The following TTC14 variants were observed in gnomAD, a reference collection of about 807,000 sequenced individuals.
The protein encoded by TTC14 is tetratricopeptide repeat protein 14.
TTC14 carries 63 observed loss-of-function variants against 79.9 expected under a neutral mutation model. The ratio of observed to expected loss-of-function variants is 0.79; its 90% CI spans 0.64 to 0.97. The LOEUF is 0.97. TTC14 is among the 50% of genes least tolerant of loss of function. The probability of loss-of-function intolerance (pLI) is 0.00; values close to 1 mark genes in which losing one functional copy is unlikely to be tolerated. For missense variants in TTC14, 895 were observed against 894.0 expected (o/e 1.00, Z -0.01); for synonymous variants, 335 against 309.6 (o/e 1.08, Z -0.86).
chr3:180,606,374 TAAG>T lies in TTC14; in HGVS notation c.1049+3_1049+5del. 1 of 1,613,994 alleles carries T rather than the reference TAAG, an allele frequency of 6.2e-7. No homozygotes were observed. The highest frequency in any genetic ancestry group is 8.5e-7 in the Non-Finnish European group (1 of 1,179,942). ...AGCTTTGGTAGCTCGTGGAGCATTG[TAAG>T]TGAATCATACATGGATTTTAAGGAA... On this transcript the variant is annotated splice_donor_5th_base_variant and intron_variant, in intron 8 of 11. Coordinates refer to ENST00000296015, the MANE Select transcript of TTC14 (RefSeq NM_133462.4).
At position 180,606,518 on chromosome 3, in the gene TTC14, G is replaced by C; in HGVS notation, c.1087G>C (p.Asp363His). ...AGGAAGTTTGAACAAAGCAATAGAAGATTTTGAGCTTGCATTAGAAAACTG... is the reference window on the plus strand; with the variant it reads ...AGGAAGTTTGAACAAAGCAATAGAACATTTTGAGCTTGCATTAGAAAACTG... The part of the protein sequence containing the change: ...TKGSLNKAIE[D>H]FELALENCPT... Residue 363 changes from aspartate to histidine, a missense_variant, in exon 9 of 12, where the codon GAT becomes CAT. Coordinates refer to ENST00000296015, the MANE Select transcript of TTC14 (RefSeq NM_133462.4). 1 of 1,613,956 alleles carries C rather than the reference G, an allele frequency of 6.2e-7. No individual in the cohort carries two copies. Among genetic ancestry groups the C allele is most frequent in the Admixed American group, 1.7e-5 (1 of 60,004 alleles).
In TTC14 at chr3:180,605,000, C is replaced by G; in HGVS notation, c.850C>G (p.Leu284Val). 1 of 1,612,036 alleles carries G rather than the reference C, an allele frequency of 6.2e-7. No individual in the cohort carries two copies. ...TAATCCACCATCTTTAATGAGAGGC[C>G]TACAAAGGTATAGTACATCAGTATT... ...ESNPPSLMRGLQSKNFSEDDF... is the reference protein window; with the variant it reads ...ESNPPSLMRGVQSKNFSEDDF... Residue 284 changes from leucine (L) to valine (V), a missense_variant, in exon 6 of 12, where the codon CTA becomes GTA. Physicochemically the swap from Leu to Val is conservative, Grantham distance 32. Coordinates refer to ENST00000296015, the MANE Select transcript of TTC14 (RefSeq NM_133462.4).
At chr3:180,606,224 T>C (rs759073764) in intron 7 of TTC14, 29 bp from the exon 8 acceptor site, 89 of 1,611,874 alleles carry the variant, frequency 5.5e-5, no homozygotes, top group Non-Finnish European at 7.5e-5. Flanking sequence ...TTTGAAGTGT[T>C]TGTGATGCTT....
chr3:180,613,464 C>A (rs1173597431), downstream of TTC14, among the ~76,000 whole-genome samples: 1 of 152,176 alleles, frequency 6.6e-6, no homozygotes, highest in Non-Finnish European at 1.5e-5. Context: ...CTGTGCTAAG[C>A]TCCAGGTGGC....
At chr3:180,615,068 C>A (rs868096655), downstream of TTC14, 1 of 1,528,478 alleles carries the variant, frequency 6.5e-7, no homozygotes, top group East Asian at 2.4e-5. Flanking sequence ...TACTTGTACT[C>A]CTAGATGACC....
chr3:180,607,843 A>AT, intron 10 of TTC14, 78 bp downstream of exon 10: 1 of 1,575,020 alleles, frequency 6.3e-7, no homozygotes, highest in Non-Finnish European at 8.6e-7. Flanking sequence ...GAGGAAAACT[A>AT]TTCTACATTA....
At chr3:180,609,332 TAAAAAAG>T in intron 11 of TTC14, 1 of 1,010,750 alleles carries the variant, frequency 9.9e-7, no homozygotes, top group Non-Finnish European at 1.2e-6. Context: ...GGTAGCCAAA[TAAAAAAG>T]TTGAGTTCTC....
chr3:180,609,225 G>A (rs763713282), intron 11 of TTC14: 133 of 723,998 alleles, frequency 1.8e-4, no homozygotes, highest in Non-Finnish European at 2.2e-4. Flanking sequence ...TAAACATTCT[G>A]TAATGCACAG....
intron 6 of TTC14, chr3:180,605,320 A>C (rs1255576632): frequency 9.9e-6 from 2 of 202,390 alleles, no homozygotes; most frequent in East Asian, 2.5e-4. Context: ...TGTGTCACCC[A>C]GGCTGGAGTG....
At chr3:180,617,531 G>C in exon 13 of TTC14, 1 of 634,978 alleles carries the variant, frequency 1.6e-6, no homozygotes, top group Non-Finnish European at 2.9e-6. Context: ...ATATGGAGGT[G>C]GAAGACAGTG....
chr3:180,602,351 C>T lies in TTC14; in HGVS notation c.90C>T (p.His30=), dbSNP rs775850664. Residue 30 remains histidine (H), a synonymous_variant, in exon 1 of 12, where the codon CAC becomes CAT. Transcript: ENST00000296015. ...LLRSEQQDNP[H]FRSLLGSAAE... ...GGAGCGAACAGCAGGACAATCCACA[C>T]TTCCGTAGCCTCCTGGGGTCGGCCG... The T allele has an allele frequency of 1.9e-5, 30 of 1,612,982 alleles. No individual in the cohort carries two copies. In the South Asian group the frequency reaches 3.3e-4, roughly 18 times the overall value.
In TTC14 at chr3:180,610,797, C is replaced by T. The variant is rs1716961731; in HGVS notation, c.*255C>T. ...CTCTTGACAGTTTGAATTTCTTCAC[C>T]TAAAGATAATTCTCTGAAAGTACTG... On this transcript the variant is annotated 3_prime_UTR_variant, in exon 12 of 12. Transcript: ENST00000296015. 1.9e-6 allele frequency: 2 copies of T among 1,045,654 alleles called. No individual in the cohort carries two copies. The highest frequency in any genetic ancestry group is 4.1e-5 in the South Asian group (1 of 24,590). 64.8% of individuals were successfully genotyped at this position (1,045,654 alleles called of 1,614,324 possible). A position where few individuals can be genotyped will look rare whatever the true frequency, so the allele number is the denominator to read the frequency against.
At chr3:180,617,133 T>C (rs1717277198) in intron 12 of TTC14, among the ~76,000 whole-genome samples, 1 of 152,152 alleles carries the variant, frequency 6.6e-6, no homozygotes, top group Non-Finnish European at 1.5e-5. Flanking sequence ...ATGGACTGTA[T>C]ATATGATGGT....
At position 180,610,941 on chromosome 3, in the gene TTC14, TTTCTG is replaced by T. The variant is rs1414665472; in HGVS notation, c.*402_*406del. 2 of 974,906 alleles carry T rather than the reference TTTCTG, an allele frequency of 2.1e-6. No homozygotes were observed. The highest frequency in any genetic ancestry group is 2.3e-4 in the East Asian group (2 of 8,780). The allele number at this position is 974,906 out of a possible 1,614,324, so 60.4% of individuals were successfully genotyped here. ...TTTATAAAAATTAATTTCATTTTCT[TTTCTG>T]TTAAATTAAAAATCGTCAGCTTTTG... On this transcript the variant is annotated 3_prime_UTR_variant, in exon 12 of 12. Coordinates refer to ENST00000296015, the MANE Select transcript of TTC14 (RefSeq NM_133462.4).
chr3:180,603,728 G>A (rs762356171), intron 3 of TTC14: 5 of 243,042 alleles, frequency 2.1e-5, no homozygotes, highest in Non-Finnish European at 3.2e-5. Context: ...ATAATTAAAT[G>A]TAAGTGGTTT....
At chr3:180,611,848 C>CTT (rs968162773), downstream of TTC14, among the ~76,000 whole-genome samples, 2 of 152,262 alleles carry the variant, frequency 1.3e-5, no homozygotes, top group Non-Finnish European at 2.9e-5. Context: ...GAAGAAGAGA[C>CTT]TTATTCCTTG....
rs898026839 is a variant in TTC14 at position 180,610,266 on chromosome 3, G to A, written c.2037G>A (p.Trp679Ter). Residue 679 changes from tryptophan (W) to a stop codon, truncating the protein, a stop_gained, in exon 12 of 12, where the codon TGG becomes TGA. Transcript: ENST00000296015. LOFTEE classifies it high-confidence loss of function. ...STSPASSEYS[W>*]KSVEKYKKYA... ...CACCAGCAAGCTCAGAATACTCTTGGAAGTCAGTTGAGAAATACAAAAAAT... is the reference window on the plus strand; with the variant it reads ...CACCAGCAAGCTCAGAATACTCTTGAAAGTCAGTTGAGAAATACAAAAAAT... The A allele has an allele frequency of 6.2e-7, 1 of 1,613,706 alleles. No individual in the cohort carries two copies. Among genetic ancestry groups the A allele is most frequent in the African/African-American group, 1.3e-5 (1 of 74,896 alleles).
intron 11 of TTC14, 84 bp downstream of exon 11, chr3:180,608,894 A>T (rs1220882203): frequency 7.0e-6 from 9 of 1,279,056 alleles, no homozygotes. Flanking sequence ...AAAGTAAATA[A>T]AAATATGAAA....
downstream of TTC14, among the ~76,000 whole-genome samples, chr3:180,615,317 A>C (rs1455283698): frequency 6.6e-6 from 1 of 152,174 alleles, no homozygotes; most frequent in Non-Finnish European, 1.5e-5. Flanking sequence ...ATGTTCCTAC[A>C]TGGTAAAAAT....
Sources: allele counts gnomAD v4.1 joint callset (sites outside exome capture counted in the v4.1 genomes callset), GRCh38; gene constraint gnomAD v4.1.1; transcripts MANE v1.5; gene names NCBI Gene and HGNC (gene_info 2026-07-23, HGNC 2026-07-21).